The following CTNNA2 variants were observed in gnomAD, a reference collection of about 807,000 sequenced individuals.
The protein encoded by CTNNA2 is catenin alpha 2, also known as catenin alpha-2.
In CTNNA2, 42 loss-of-function variants were observed where a neutral mutation model predicts 101.0. The ratio of observed to expected loss-of-function variants is 0.42; its 90% CI spans 0.32 to 0.54. The LOEUF (loss-of-function observed/expected upper bound fraction) is 0.54. Ranked by LOEUF, CTNNA2 falls within the 20% of genes least tolerant of loss-of-function variation. The probability of loss-of-function intolerance (pLI) is 0.14; values close to 1 mark genes in which losing one functional copy is unlikely to be tolerated. For synonymous variants in CTNNA2, 450 were observed against 456.4 expected (o/e 0.99, Z 0.18); for missense variants, 871 against 1,223.1 (o/e 0.71, Z 4.29).
chr2:79,466,312 G>C (rs1032820676), intron 4 of CTNNA2, among the ~76,000 whole-genome samples: 1 of 152,204 alleles, frequency 6.6e-6, no homozygotes, highest in Non-Finnish European at 1.5e-5. Context: ...GAACTGCAAG[G>C]TGGCAGCAAG....
At chr2:80,578,605 G>A (rs1695265092) in intron 13 of CTNNA2, among the ~76,000 whole-genome samples, 1 of 152,200 alleles carries the variant, frequency 6.6e-6, no homozygotes, top group South Asian at 2.1e-4. Flanking sequence ...GGATGGGCTG[G>A]ATGGGTTTGT....
chr2:80,558,877 G>A (rs958126871), intron 12 of CTNNA2, among the ~76,000 whole-genome samples: 1 of 152,098 alleles, frequency 6.6e-6, no homozygotes, highest in Non-Finnish European at 1.5e-5. Flanking sequence ...AAAAAATTCT[G>A]TGCCATTAGA....
intron 7 of CTNNA2, among the ~76,000 whole-genome samples, chr2:79,995,298 T>A (rs558219498): frequency 3.9e-5 from 6 of 152,174 alleles, no homozygotes; most frequent in African/African-American, 1.4e-4. Context: ...AGGGGTGGTG[T>A]GTGAATCACC....
intron 7 of CTNNA2, among the ~76,000 whole-genome samples, chr2:80,021,262 C>T (rs1458996787): frequency 6.6e-6 from 1 of 152,032 alleles, no homozygotes; most frequent in Non-Finnish European, 1.5e-5. Context: ...TCAAGCAATC[C>T]TCCCGCCTCA....
chr2:80,368,719 C>T (rs1675160391), intron 7 of CTNNA2, among the ~76,000 whole-genome samples: 1 of 150,678 alleles, frequency 6.6e-6, no homozygotes, highest in African/African-American at 2.4e-5. Flanking sequence ...TTCTAAATAT[C>T]TCTAACTGTT....
chr2:79,949,513 A>G (rs1688732417), intron 7 of CTNNA2, among the ~76,000 whole-genome samples: 1 of 152,190 alleles, frequency 6.6e-6, no homozygotes, highest in African/African-American at 2.4e-5. Flanking sequence ...CATCCCTATA[A>G]TCCCAGTACT....
intron 6 of CTNNA2, among the ~76,000 whole-genome samples, chr2:79,899,042 A>G (rs1293052644): frequency 6.6e-6 from 1 of 152,190 alleles, no homozygotes; most frequent in Non-Finnish European, 1.5e-5. Context: ...TTTGTAAAGC[A>G]TAGGGGAGGC....
chr2:80,597,905 G>A (rs958649466), intron 15 of CTNNA2, among the ~76,000 whole-genome samples: 3 of 152,186 alleles, frequency 2.0e-5, no homozygotes, highest in Admixed American at 1.3e-4. Flanking sequence ...GTGGAAGACA[G>A]TGTGGTGATT....
chr2:79,748,501 T>G lies in CTNNA2; in HGVS notation c.298+3919T>G, dbSNP rs76829967. 5.3e-4 allele frequency among the ~76,000 whole-genome samples: 80 copies of G among 152,292 alleles called. 6 individuals carry two copies. In the East Asian group the frequency reaches 0.015, roughly 29 times the overall value. Reference sequence around the variant, plus strand: ...ATCTGTTAGTTTTACTATTGCATTGTTTTTGTTTTTATTAAAAAGTATTGT... The same window carrying G: ...ATCTGTTAGTTTTACTATTGCATTGGTTTTGTTTTTATTAAAAAGTATTGT... On this transcript the variant is annotated intron_variant, in intron 3 of 18. Transcript: ENST00000402739.
chr2:79,918,443 G>A (rs1055566307), intron 7 of CTNNA2, among the ~76,000 whole-genome samples: 1 of 152,180 alleles, frequency 6.6e-6, no homozygotes, highest in East Asian at 1.9e-4. Context: ...TAGATTAGGG[G>A]CCTCAGCAGA....
intron 2 of CTNNA2, among the ~76,000 whole-genome samples, chr2:79,311,840 C>A (rs1676381747): frequency 6.6e-6 from 1 of 152,178 alleles, no homozygotes; most frequent in Non-Finnish European, 1.5e-5. Context: ...TCAGTCTTTT[C>A]CTTTGGAGGT....
chr2:80,252,064 G>A (rs1259390698), intron 7 of CTNNA2, among the ~76,000 whole-genome samples: 1 of 152,078 alleles, frequency 6.6e-6, no homozygotes, highest in Non-Finnish European at 1.5e-5. Flanking sequence ...ATTCCTCTGG[G>A]CAAGCTTCAG....
chr2:80,545,826 G>A (rs1692012297), intron 10 of CTNNA2, 81 bp from the exon 11 acceptor site: 1 of 1,477,574 alleles, frequency 6.8e-7, no homozygotes, highest in Admixed American at 1.9e-5. Context: ...AGGGTGCATG[G>A]TTTTAACATG....
At position 80,034,378 on chromosome 2, in the gene CTNNA2, G is replaced by A. The variant is rs569669747; in HGVS notation, c.1056+124581G>A. On this transcript the variant is annotated intron_variant, in intron 7 of 18. Transcript: ENST00000402739. ...TCTTTTTTTTTTTTTTTTTGATACG[G>A]AGTCTCGCTCTGTCACCCAAGCTGG... is the stretch of plus-strand genomic sequence containing the variant. Among the ~76,000 whole-genome samples the A allele has an allele frequency of 1.4e-4, 19 of 138,244 alleles. No individual in the cohort carries two copies. In the South Asian group the frequency reaches 3.4e-3, roughly 25 times the overall value. 90.7% of individuals were successfully genotyped at this position (138,244 alleles called of 152,430 possible).
Position 80,251,522 on chromosome 2 carries a change from C to G in CTNNA2, c.1057-141689C>G, listed in dbSNP as rs554065525. On this transcript the variant is annotated intron_variant, in intron 7 of 18. Coordinates refer to ENST00000402739, the MANE Select transcript of CTNNA2 (RefSeq NM_001282597.3). Reference sequence around the variant, plus strand: ...TGAAAAAGAAGGCTCTAGCAGGCTCCCATGGAACCAGTAAGGGTGATGACT... The same window carrying G: ...TGAAAAAGAAGGCTCTAGCAGGCTCGCATGGAACCAGTAAGGGTGATGACT... Among the ~76,000 whole-genome samples the G allele has an allele frequency of 7.9e-5, 12 of 152,204 alleles. No individual in the cohort carries two copies. The South Asian group carries it at 1.2e-3, about 16-fold the overall frequency.
chr2:80,611,339 T>C (rs1698453122), intron 17 of CTNNA2, among the ~76,000 whole-genome samples: 1 of 150,426 alleles, frequency 6.6e-6, no homozygotes, highest in Admixed American at 6.7e-5. Flanking sequence ...AGAAGAGGCA[T>C]AAAAGAAGAA....
At chr2:79,249,435 A>C (rs17016644) in intron 2 of CTNNA2, among the ~76,000 whole-genome samples, 5,415 of 152,246 alleles carry the variant, frequency 0.036, 268 homozygotes, top group African/African-American at 0.11. Flanking sequence ...CCTGGACGTT[A>C]ATCAAATTAT....
intron 7 of CTNNA2, among the ~76,000 whole-genome samples, chr2:79,914,506 A>G (rs992607298): frequency 2.0e-5 from 3 of 152,216 alleles, no homozygotes; most frequent in Non-Finnish European, 4.4e-5. Flanking sequence ...CAATGAGCAG[A>G]TGTGCCTGGT....
At chr2:79,911,499 G>A (rs1046201836) in intron 7 of CTNNA2, among the ~76,000 whole-genome samples, 1 of 152,170 alleles carries the variant, frequency 6.6e-6, no homozygotes, top group Non-Finnish European at 1.5e-5. Context: ...TTTCAGTTTG[G>A]TGTCTAGAAT....
Sources: gnomAD v4.1 joint callset for allele counts (sites outside exome capture counted in the v4.1 genomes callset) on GRCh38, gnomAD v4.1.1 for gene constraint, MANE v1.5 for transcripts, NCBI Gene and HGNC (gene_info 2026-07-23, HGNC 2026-07-21) for gene names.